Variants in KCNJ8 observed in about 807,000 individuals in gnomAD.
KCNJ8 encodes the protein ATP-sensitive inward rectifier potassium channel 8.
Under a neutral mutation model 28.2 loss-of-function variants are expected in KCNJ8, and 13 were observed. That is an observed-to-expected ratio of 0.46 (90% CI 0.30 to 0.73). KCNJ8 has a LOEUF of 0.73. Ranked by LOEUF, KCNJ8 falls within the 30% of genes least tolerant of loss-of-function variation. KCNJ8 has a pLI of 0.07. For synonymous variants in KCNJ8, 188 were observed against 195.9 expected (o/e 0.96, Z 0.34); for missense variants, 284 against 542.6 (o/e 0.52, Z 4.73).
chr12:21,767,364 G>A lies in KCNJ8; in HGVS notation c.375-741C>T, dbSNP rs1013283779. Among the ~76,000 whole-genome samples the A allele has an allele frequency of 5.2e-5, 7 of 134,364 alleles. No homozygotes were observed. In the South Asian group the frequency reaches 1.7e-3, roughly 33 times the overall value. The allele number at this position is 134,364 out of a possible 152,430, so 88.1% of individuals were successfully genotyped here. ...CCAGTGCTGGTCCATGGCTTGTCAG[G>A]AACTAGGCCACACAGCAGGAGGTGA... On this transcript the variant is annotated intron_variant, in intron 2 of 2. Transcript: ENST00000240662.
At position 21,765,512 on chromosome 12, in the gene KCNJ8, A is replaced by G; in HGVS notation, c.*211T>C. Reference sequence around the variant, plus strand: ...ACTTAAGTATATCACTGCGAATTCTACATGTATGAAACAAGCATAAGCCAT... The same window carrying G: ...ACTTAAGTATATCACTGCGAATTCTGCATGTATGAAACAAGCATAAGCCAT... On this transcript the variant is annotated 3_prime_UTR_variant, in exon 3 of 3. Coordinates refer to ENST00000240662, the MANE Select transcript of KCNJ8 (RefSeq NM_004982.4). 1 of 604,220 alleles carries G rather than the reference A, an allele frequency of 1.7e-6. No individual in the cohort carries two copies. The highest frequency in any genetic ancestry group is 2.9e-6 in the Non-Finnish European group (1 of 339,814). 37.4% of individuals were successfully genotyped at this position (604,220 alleles called of 1,614,324 possible). A position where few individuals can be genotyped will look rare whatever the true frequency, so the allele number is the denominator to read the frequency against.
At position 21,765,605 on chromosome 12, in the gene KCNJ8, T is replaced by C. The variant is rs1940598491; in HGVS notation, c.*118A>G. 12 of 884,150 alleles carry C rather than the reference T, an allele frequency of 1.4e-5. No individual in the cohort carries two copies. The South Asian group carries it at 1.6e-4, about 12-fold the overall frequency. 54.8% of individuals were successfully genotyped at this position (884,150 alleles called of 1,614,324 possible). ...TGCTGTTGCTTGAATATGAATATCATTTAGTGTAATAAAATGTAGAAGGAC... is the reference window on the plus strand; with the variant it reads ...TGCTGTTGCTTGAATATGAATATCACTTAGTGTAATAAAATGTAGAAGGAC... On this transcript the variant is annotated 3_prime_UTR_variant, in exon 3 of 3. Coordinates refer to ENST00000240662, the MANE Select transcript of KCNJ8 (RefSeq NM_004982.4).
chr12:21,773,713 A>G lies in KCNJ8; in HGVS notation c.-70-27T>C. Reference sequence around the variant, plus strand: ...TGCACGAGGGAAACATTTATTAAAAACTTAAAAACCCACCCTATCCTCACC... The same window carrying G: ...TGCACGAGGGAAACATTTATTAAAAGCTTAAAAACCCACCCTATCCTCACC... On this transcript the variant is annotated intron_variant, in intron 1 of 2. Coordinates refer to ENST00000240662, the MANE Select transcript of KCNJ8 (RefSeq NM_004982.4). This position sits in a 1 kb window ranked among gnomAD's most constrained non-coding sequence, Gnocchi z 4.6. 2 of 1,561,684 alleles carry G rather than the reference A, an allele frequency of 1.3e-6. No homozygotes were observed. Among genetic ancestry groups the G allele is most frequent in the South Asian group, 1.1e-5 (1 of 89,434 alleles).
chr12:21,767,315 C>CG (rs1565659523), intron 2 of KCNJ8, among the ~76,000 whole-genome samples: 1 of 119,652 alleles, frequency 8.4e-6, no homozygotes, highest in Non-Finnish European at 1.7e-5. Context: ...CCAACCCCCC[C>CG]CCCCCCCACC....
chr12:21,766,676 G>T lies in KCNJ8; in HGVS notation c.375-53C>A. 7.2e-7 allele frequency: 1 copy of T among 1,390,402 alleles called. No individual in the cohort carries two copies. The highest frequency in any genetic ancestry group is 1.0e-6 in the Non-Finnish European group (1 of 995,698). The allele number at this position is 1,390,402 out of a possible 1,614,324, so 86.1% of individuals were successfully genotyped here. A position where few individuals can be genotyped will look rare whatever the true frequency, so the allele number is the denominator to read the frequency against. ...ACCATCAGGTCACATTTTGAATAAT[G>T]AAATATGCCAAGCTGAGCTTTTCAT... On this transcript the variant is annotated intron_variant, in intron 2 of 2. Transcript: ENST00000240662. This position sits in a 1 kb window ranked among gnomAD's most constrained non-coding sequence, Gnocchi z 6.5.
In KCNJ8 at chr12:21,766,046, TCTC is replaced by T; in HGVS notation, c.949_951del (p.Glu317del). 6.2e-7 allele frequency: 1 copy of T among 1,614,094 alleles called. No individual in the cohort carries two copies. The highest frequency in any genetic ancestry group is 2.2e-5 in the East Asian group (1 of 44,872). On this transcript the variant is annotated inframe_deletion, in exon 3 of 3. Transcript: ENST00000240662. This position sits in a 1 kb window ranked among gnomAD's most constrained non-coding sequence, Gnocchi z 6.5. ...GACACAAAGCGGTGGCCCCATTGGATCTCCTCAGCAATGTAGGAGGTTCGTGCT... is the reference window on the plus strand; with the variant it reads ...GACACAAAGCGGTGGCCCCATTGGATCTCAGCAATGTAGGAGGTTCGTGCT...
rs1465054695 is a variant in KCNJ8, at chr12:21,765,683, T to C, written c.*40A>G. 1.3e-6 allele frequency: 2 copies of C among 1,592,054 alleles called. No individual in the cohort carries two copies. The highest frequency in any genetic ancestry group is 2.7e-5 in the African/African-American group (2 of 74,454). ...GTCTGGCAGTGCCCAGCATAAACCGTCAAAACTTGATAAAAGACTGTCTTG... is the reference window on the plus strand; with the variant it reads ...GTCTGGCAGTGCCCAGCATAAACCGCCAAAACTTGATAAAAGACTGTCTTG... On this transcript the variant is annotated 3_prime_UTR_variant, in exon 3 of 3. Transcript: ENST00000240662.
At chr12:21,770,985 C>A (rs912534542) in intron 2 of KCNJ8, among the ~76,000 whole-genome samples, 2 of 152,176 alleles carry the variant, frequency 1.3e-5, no homozygotes, top group African/African-American at 4.8e-5. Flanking sequence ...ATGGATTATT[C>A]TTTTGATTAG....
intron 2 of KCNJ8, among the ~76,000 whole-genome samples, chr12:21,768,900 G>T (rs572528677): frequency 7.3e-4 from 111 of 152,318 alleles, no homozygotes; most frequent in African/African-American, 6.0e-4. Flanking sequence ...TGGTTCAGGA[G>T]GCTTAAGAAA....
At chr12:21,771,602 T>C (rs767351726) in intron 2 of KCNJ8, among the ~76,000 whole-genome samples, 2 of 152,220 alleles carry the variant, frequency 1.3e-5, no homozygotes, top group Non-Finnish European at 2.9e-5. Flanking sequence ...TGGTTGGACA[T>C]TGAATTCACA....
In KCNJ8 at chr12:21,766,976, C is replaced by T. The variant is rs1013273270; in HGVS notation, c.375-353G>A. On this transcript the variant is annotated intron_variant, in intron 2 of 2. Transcript: ENST00000240662. This position sits in a 1 kb window ranked among gnomAD's most constrained non-coding sequence, Gnocchi z 6.5. ...TCATATATATGCATATTTTACCTTG[C>T]GAAATACTTCACTTTCACAAAGGCA... Among the ~76,000 whole-genome samples the T allele has an allele frequency of 1.3e-5, 2 of 152,026 alleles. No individual in the cohort carries two copies. The highest frequency in any genetic ancestry group is 2.4e-5 in the African/African-American group (1 of 41,386).
In KCNJ8 at chr12:21,773,118, C is replaced by T; in HGVS notation, c.374+125G>A. 9 of 1,133,004 alleles carry T rather than the reference C, an allele frequency of 7.9e-6. No individual in the cohort carries two copies. In the Admixed American group the frequency reaches 9.1e-5, roughly 12 times the overall value. The allele number at this position is 1,133,004 out of a possible 1,614,324, so 70.2% of individuals were successfully genotyped here. ...TGTTCTTTATTGTGCTTTTTTGTTT[C>T]TGAAGATTCTAAAACAAACCCTTTA... On this transcript the variant is annotated intron_variant, in intron 2 of 2. Coordinates refer to ENST00000240662, the MANE Select transcript of KCNJ8 (RefSeq NM_004982.4). This position sits in a 1 kb window ranked among gnomAD's most constrained non-coding sequence, Gnocchi z 4.6.
At position 21,766,245 on chromosome 12, in the gene KCNJ8, A is replaced by C. The variant is rs773726063; in HGVS notation, c.753T>G (p.Asp251Glu). Reference protein sequence around the residue: ...VPIHQLDIPVDNPIESNNIFL... With the variant: ...VPIHQLDIPVENPIESNNIFL... ...AAATGTTATTGCTCTCGATTGGGTT[A>C]TCAACAGGAATGTCCAGTTGGTGAA... is the stretch of plus-strand genomic sequence containing the variant. The change falls in exon 3 of 3, where the codon GAT becomes GAG. Residue 251 changes from aspartate to glutamate, a missense_variant. By Grantham distance (45) the Asp-to-Glu change is conservative. Transcript: ENST00000240662. The surrounding 1 kb of genome is among the most constrained non-coding windows in gnomAD (Gnocchi z 6.5). 4.3e-6 allele frequency: 7 copies of C among 1,614,008 alleles called. No individual in the cohort carries two copies. The East Asian group carries it at 8.9e-5, about 21-fold the overall frequency.
intron 2 of KCNJ8, among the ~76,000 whole-genome samples, chr12:21,771,040 A>T (rs1940744284): frequency 6.6e-6 from 1 of 152,200 alleles, no homozygotes; most frequent in Non-Finnish European, 1.5e-5. Flanking sequence ...TTGTTGCTAA[A>T]ATGATTCATG....
chr12:21,766,130 A>G lies in KCNJ8; in HGVS notation c.868T>C (p.Leu290=), dbSNP rs764825128. 2 of 1,614,162 alleles carry G rather than the reference A, an allele frequency of 1.2e-6. No homozygotes were observed. Among genetic ancestry groups the G allele is most frequent in the South Asian group, 2.2e-5 (2 of 91,078 alleles). The part of the protein sequence containing the change: ...ISATDLANQD[L]EVIVILEGVV... ...CCTTCCAGAATAACTATGACCTCCA[A>G]GTCTTGGTTGGCCAGGTCAGTTGCT... The change falls in exon 3 of 3, where the codon TTG becomes CTG. Residue 290 remains leucine, a synonymous_variant. Transcript: ENST00000240662. The surrounding 1 kb of genome is among the most constrained non-coding windows in gnomAD (Gnocchi z 6.5).
chr12:21,773,493 C>T lies in KCNJ8; in HGVS notation c.124G>A (p.Ala42Thr), dbSNP rs1565662171. Residue 42 changes from alanine to threonine, a missense_variant, in exon 2 of 3, where the codon GCC (alanine) becomes ACC (threonine). Ala to Thr is a moderately conservative substitution (Grantham distance 58). This residue lies in a region of KCNJ8 where 54 missense variants were observed against 77.5 expected (regional missense o/e 0.70). Coordinates refer to ENST00000240662, the MANE Select transcript of KCNJ8 (RefSeq NM_004982.4). This position sits in a 1 kb window ranked among gnomAD's most constrained non-coding sequence, Gnocchi z 4.6. ...ATGTTCTTATGCGCCAGGTTGCAGG[C>T]CCCGCTCTTGGCGATGAAGCGGGCT... is the stretch of plus-strand genomic sequence containing the variant. ...PKARFIAKSG[A>T]CNLAHKNIRE... 6.2e-7 allele frequency: 1 copy of T among 1,614,256 alleles called. No individual in the cohort carries two copies. The highest frequency in any genetic ancestry group is 8.5e-7 in the Non-Finnish European group (1 of 1,180,042).
At chr12:21,767,818 C>T (rs1314792985) in intron 2 of KCNJ8, among the ~76,000 whole-genome samples, 1 of 152,196 alleles carries the variant, frequency 6.6e-6, no homozygotes, top group Non-Finnish European at 1.5e-5. Context: ...TCTGTGGCAA[C>T]CTTCATCCAG....
At chr12:21,771,665 A>T (rs1183958080) in intron 2 of KCNJ8, among the ~76,000 whole-genome samples, 1 of 152,094 alleles carries the variant, frequency 6.6e-6, no homozygotes, top group Non-Finnish European at 1.5e-5. Flanking sequence ...TTACATTCTC[A>T]TTGGGAGAGA....
intron 2 of KCNJ8, among the ~76,000 whole-genome samples, chr12:21,772,383 C>T (rs1331959460): frequency 4.0e-5 from 6 of 151,898 alleles, no homozygotes; most frequent in Admixed American, 1.3e-4. Context: ...CACCTCCCCC[C>T]GAAAAAAACA....
Sources: gnomAD v4.1 joint callset for allele counts (sites outside exome capture counted in the v4.1 genomes callset) on GRCh38, gnomAD v4.1.1 for gene constraint, gnomAD v4.1.1 regional missense constraint, Gnocchi (gnomAD v3.1) non-coding constraint, MANE v1.5 for transcripts, NCBI Gene and HGNC (gene_info 2026-07-23, HGNC 2026-07-21) for gene names.